The following ASCC3 variants were observed in gnomAD, a reference collection of about 807,000 sequenced individuals.
The protein encoded by ASCC3 is activating signal cointegrator 1 complex subunit 3.
ASCC3 carries 158 observed loss-of-function variants against 256.3 expected under a neutral mutation model. That is an observed-to-expected ratio of 0.62 (90% CI 0.54 to 0.70). The LOEUF is 0.70. Among genes scored for constraint, ASCC3 ranks in the 30% least tolerant of loss-of-function variants. The pLI is 0.00. For missense variants in ASCC3, 2,259 were observed against 2,626.0 expected (o/e 0.86, Z 3.05); for synonymous variants, 948 against 883.4 (o/e 1.07, Z -1.30).
intron 30 of ASCC3, among the ~76,000 whole-genome samples, chr6:100,620,776 G>A (rs796459943): frequency 3.9e-5 from 6 of 152,194 alleles, no homozygotes; most frequent in African/African-American, 1.2e-4. Flanking sequence ...ACTACACAAG[G>A]AGCAGCAATG....
Position 100,606,642 on chromosome 6 carries a change from G to A in ASCC3, c.5044+98C>T, listed in dbSNP as rs537527932. 3.7e-6 allele frequency: 5 copies of A among 1,349,458 alleles called. No homozygotes were observed. In the African/African-American group the frequency reaches 7.3e-5, roughly 20 times the overall value. The allele number at this position is 1,349,458 out of a possible 1,614,324, so 83.6% of individuals were successfully genotyped here. ...TCTGTTTAAATGTGACCAATTCTCA[G>A]AAGTTTAATTGGTGGAAATTCAAAT... On this transcript the variant is annotated intron_variant, in intron 32 of 41. Transcript: ENST00000369162.
At position 100,540,195 on chromosome 6, in the gene ASCC3, T is replaced by C; in HGVS notation, c.5743A>G (p.Thr1915Ala). The part of the protein sequence containing the change: ...PCPDYDTDTK[T>A]VLDQALRVCQ... ...ACTCTGAGAGCTTGGTCCAAGACTGTTTTGGTATCAGTGTCATAATCTGGG... is the reference window on the plus strand; with the variant it reads ...ACTCTGAGAGCTTGGTCCAAGACTGCTTTGGTATCAGTGTCATAATCTGGG... Residue 1915 changes from threonine (T) to alanine (A), a missense_variant, in exon 37 of 42, where the codon ACA (threonine) becomes GCA (alanine). By Grantham distance (58) the Thr-to-Ala change is moderately conservative. Around this residue, in one of 2 missense-constraint regions of ASCC3, gnomAD observed 1,839 missense variants for 2,206.7 expected, o/e 0.83. Coordinates refer to ENST00000369162, the MANE Select transcript of ASCC3 (RefSeq NM_006828.4). 6.2e-7 allele frequency: 1 copy of C among 1,614,018 alleles called. No individual in the cohort carries two copies. The highest frequency in any genetic ancestry group is 1.6e-4 in the Middle Eastern group (1 of 6,062).
At chr6:100,510,605 T>C (rs1773712237) in intron 40 of ASCC3, among the ~76,000 whole-genome samples, 1 of 152,102 alleles carries the variant, frequency 6.6e-6, no homozygotes, top group South Asian at 2.1e-4. Flanking sequence ...ACACATACTT[T>C]CCCCCTCATC....
chr6:100,671,748 A>G (rs1776757633), intron 14 of ASCC3, among the ~76,000 whole-genome samples: 1 of 152,068 alleles, frequency 6.6e-6, no homozygotes, highest in Non-Finnish European at 1.5e-5. Context: ...TTTCCTACTC[A>G]TGAGAGAAAA....
In ASCC3 at chr6:100,511,108, CT is replaced by C. The variant is rs577871623; in HGVS notation, c.6286-1002del. Among the ~76,000 whole-genome samples, 12 of 152,046 alleles carry C rather than the reference CT, an allele frequency of 7.9e-5. No homozygotes were observed. The East Asian group carries it at 1.4e-3, about 17-fold the overall frequency. On this transcript the variant is annotated intron_variant, in intron 40 of 41. Transcript: ENST00000369162. ...TACTATTATTAGTTTGTAATTATTA[CT>C]TTTTTTTATAAGTTGGAATACATTA...
rs184084366 is a variant in ASCC3, at chr6:100,837,439, T to A, written c.801+10709A>T. Among the ~76,000 whole-genome samples, 261 of 152,206 alleles carry A rather than the reference T, an allele frequency of 1.7e-3. 1 individual carries two copies. Among genetic ancestry groups the A allele is most frequent in the African/African-American group, 5.9e-3 (247 of 41,536 alleles). On this transcript the variant is annotated intron_variant, in intron 4 of 41. Transcript: ENST00000369162. Reference sequence around the variant, plus strand: ...TGATGAAGAGATACCTGCACTCCCATATTTACTGCAGTACTATTCACAACA... The same window carrying A: ...TGATGAAGAGATACCTGCACTCCCAAATTTACTGCAGTACTATTCACAACA...
intron 8 of ASCC3, among the ~76,000 whole-genome samples, chr6:100,774,859 T>C (rs1450459918): frequency 1.3e-5 from 2 of 152,162 alleles, no homozygotes; most frequent in African/African-American, 4.8e-5. Flanking sequence ...TTACATCATT[T>C]AGGTTTCTAT....
intron 37 of ASCC3, chr6:100,530,762 T>G: frequency 1.0e-6 from 1 of 998,008 alleles, no homozygotes; most frequent in Non-Finnish European, 1.6e-6. Flanking sequence ...AGTTTACTTT[T>G]AATTTTGCAA....
chr6:100,622,715 G>T (rs1347135093), intron 30 of ASCC3, among the ~76,000 whole-genome samples: 5 of 151,434 alleles, frequency 3.3e-5, no homozygotes, highest in Non-Finnish European at 7.4e-5. Context: ...AATATTCTAG[G>T]TATCCTATTT....
chr6:100,636,631 G>C (rs1272588945), intron 25 of ASCC3, among the ~76,000 whole-genome samples: 1 of 152,158 alleles, frequency 6.6e-6, no homozygotes, highest in Admixed American at 6.5e-5. Context: ...AAAAAGCTAG[G>C]CCTCTTAATA....
At chr6:100,574,932 G>A (rs1436822374) in intron 36 of ASCC3, among the ~76,000 whole-genome samples, 1 of 152,098 alleles carries the variant, frequency 6.6e-6, no homozygotes, top group Non-Finnish European at 1.5e-5. Context: ...AAGGGAAAGA[G>A]ACCCAGAGAA....
rs145537432 is a variant in ASCC3 at position 100,804,696 on chromosome 6, A to G, written c.922+1064T>C. On this transcript the variant is annotated intron_variant, in intron 5 of 41. Transcript: ENST00000369162. Reference sequence around the variant, plus strand: ...CAGAGAAACACAAATCAAAACCACAATGAGATACCACTTCACACCAGCCAG... The same window carrying G: ...CAGAGAAACACAAATCAAAACCACAGTGAGATACCACTTCACACCAGCCAG... Among the ~76,000 whole-genome samples, 60 of 152,256 alleles carry G rather than the reference A, an allele frequency of 3.9e-4. 1 individual carries two copies. The highest frequency in any genetic ancestry group is 1.4e-3 in the African/African-American group (59 of 41,564).
rs768896875 is a variant in ASCC3, at chr6:100,606,932, A to C, written c.4923+19T>G. 1.9e-6 allele frequency: 3 copies of C among 1,612,984 alleles called. No homozygotes were observed. The Admixed American group carries it at 5.0e-5, about 27-fold the overall frequency. On this transcript the variant is annotated intron_variant, in intron 31 of 41. Transcript: ENST00000369162. ...TTAAGTTACATTTAAATATGTGTTC[A>C]CTGGAGAAAAAAAAGTACCTGAACT...
At chr6:100,719,226 T>C (rs191780968) in intron 11 of ASCC3, among the ~76,000 whole-genome samples, 1 of 152,216 alleles carries the variant, frequency 6.6e-6, no homozygotes, top group Admixed American at 6.6e-5. Context: ...AGTATCTTAT[T>C]ATAAATTTGT....
chr6:100,513,941 CA>C (rs748439921), intron 39 of ASCC3, among the ~76,000 whole-genome samples: 3 of 151,130 alleles, frequency 2.0e-5, no homozygotes, highest in Non-Finnish European at 3.0e-5. Flanking sequence ...GTTACCTTCT[CA>C]GTTAGTTTTT....
Position 100,774,276 on chromosome 6 carries a change from A to G in ASCC3, c.1396-6931T>C, listed in dbSNP as rs142765050. On this transcript the variant is annotated intron_variant, in intron 8 of 41. Coordinates refer to ENST00000369162, the MANE Select transcript of ASCC3 (RefSeq NM_006828.4). The stretch of plus-strand genomic sequence containing the variant: ...GGGGACAAGCAATCCTCCTGCCTCA[A>G]CCTTCTGAGTACATGTCACGTGCAT... Among the ~76,000 whole-genome samples the G allele has an allele frequency of 3.9e-4, 60 of 152,104 alleles. 1 individual carries two copies. Among genetic ancestry groups the G allele is most frequent in the African/African-American group, 1.4e-3 (59 of 41,494 alleles).
intron 37 of ASCC3, among the ~76,000 whole-genome samples, chr6:100,537,452 A>G (rs1269723007): frequency 1.3e-5 from 2 of 152,190 alleles, no homozygotes; most frequent in Non-Finnish European, 2.9e-5. Flanking sequence ...CATGGTACAG[A>G]GAGAGAAAGG....
chr6:100,693,111 T>C (rs989526600), intron 13 of ASCC3, among the ~76,000 whole-genome samples: 2 of 152,062 alleles, frequency 1.3e-5, no homozygotes, highest in Non-Finnish European at 2.9e-5. Context: ...TACATATATA[T>C]GATGACTATA....
intron 36 of ASCC3, among the ~76,000 whole-genome samples, chr6:100,546,575 C>T (rs565722499): frequency 2.0e-5 from 3 of 152,070 alleles, no homozygotes; most frequent in South Asian, 2.1e-4. Context: ...ATACAGTGAA[C>T]GGATGCAATC....
Sources: allele counts gnomAD v4.1 joint callset (sites outside exome capture counted in the v4.1 genomes callset), GRCh38; gene constraint gnomAD v4.1.1; regional missense constraint gnomAD v4.1.1; transcripts MANE v1.5; gene names NCBI Gene and HGNC (gene_info 2026-07-23, HGNC 2026-07-21).